Variants in CDH18 observed in about 807,000 individuals in gnomAD.
CDH18 encodes cadherin 18.
A neutral mutation model predicts 67.9 loss-of-function variants in CDH18; 31 were observed. The observed-to-expected ratio is 0.46, with a 90% CI of 0.34 to 0.62. CDH18 has a LOEUF of 0.62. CDH18 is among the 20% of genes least tolerant of loss of function. The pLI, the probability that CDH18 is intolerant of heterozygous loss-of-function variation, is 0.01. For synonymous variants in CDH18, 362 were observed against 347.2 expected, an observed-to-expected ratio of 1.04 and a Z score of -0.48; for missense variants, 890 against 975.5, an observed-to-expected ratio of 0.91 and a Z score of 1.17.
chr5:19,785,654 CAAAAAAAAAAAAAAAA>C (rs35498841), intron 3 of CDH18, among the ~76,000 whole-genome samples: 71 of 3,890 alleles, frequency 0.018, no homozygotes, highest in African/African-American at 0.04. Flanking sequence ...AACTCTGTCT[CAAAAAAAAAAAAAAAA>C]AAAAAAAAAA....
chr5:20,199,439 T>C (rs1739264271), intron 2 of CDH18, among the ~76,000 whole-genome samples: 1 of 152,186 alleles, frequency 6.6e-6, no homozygotes, highest in African/African-American at 2.4e-5. Flanking sequence ...GGCCAATTTC[T>C]CTCATTTGGA....
intron 1 of CDH18, among the ~76,000 whole-genome samples, chr5:20,337,349 A>T (rs568157858): frequency 3.9e-5 from 6 of 152,280 alleles, no homozygotes. Context: ...CTCTGCTTTC[A>T]TTATAAAACT....
intron 2 of CDH18, among the ~76,000 whole-genome samples, chr5:19,893,539 C>G (rs1286929622): frequency 6.6e-6 from 1 of 152,072 alleles, no homozygotes; most frequent in Non-Finnish European, 1.5e-5. Flanking sequence ...AGTTTGTAAG[C>G]AGAGGTTATT....
chr5:20,328,850 T>A (rs76332620), intron 1 of CDH18, among the ~76,000 whole-genome samples: 1,779 of 152,226 alleles, frequency 0.012, 24 homozygotes, highest in Non-Finnish European at 0.018. Context: ...ACATAGTGCC[T>A]TGTGCCTGTA....
At chr5:19,820,922 G>GA (rs1292783573) in intron 3 of CDH18, among the ~76,000 whole-genome samples, 2 of 150,726 alleles carry the variant, frequency 1.3e-5, no homozygotes, top group Admixed American at 6.6e-5. Context: ...CACACAACAG[G>GA]AAAAAAAATA....
intron 1 of CDH18, among the ~76,000 whole-genome samples, chr5:20,502,184 C>T (rs963981158): frequency 5.3e-5 from 8 of 152,094 alleles, no homozygotes; most frequent in Non-Finnish European, 1.0e-4. Flanking sequence ...CTTTCTATTT[C>T]ACATAATTCT....
At chr5:20,143,511 G>A (rs773509054) in intron 2 of CDH18, among the ~76,000 whole-genome samples, 5 of 152,022 alleles carry the variant, frequency 3.3e-5, no homozygotes, top group East Asian at 1.9e-4. Flanking sequence ...GGGACTATAC[G>A]CATGCACCGC....
intron 2 of CDH18, among the ~76,000 whole-genome samples, chr5:19,873,448 A>G (rs929907947): frequency 6.6e-6 from 1 of 152,096 alleles, no homozygotes; most frequent in South Asian, 2.1e-4. Context: ...ATATAAAAAT[A>G]ATGCATGGTG....
intron 1 of CDH18, among the ~76,000 whole-genome samples, chr5:20,433,352 T>C (rs1748919695): frequency 6.6e-6 from 1 of 152,042 alleles, no homozygotes; most frequent in African/African-American, 2.4e-5. Context: ...TGAATTTTTA[T>C]TTGTATTTTA....
At chr5:19,524,776 C>T (rs917940057) in intron 9 of CDH18, among the ~76,000 whole-genome samples, 1 of 152,068 alleles carries the variant, frequency 6.6e-6, no homozygotes, top group Non-Finnish European at 1.5e-5. Flanking sequence ...GATGGAGTCT[C>T]GCTCTGTCGC....
At chr5:19,824,026 G>A (rs891810317) in intron 3 of CDH18, among the ~76,000 whole-genome samples, 3 of 150,524 alleles carry the variant, frequency 2.0e-5, no homozygotes, top group Non-Finnish European at 4.4e-5. Flanking sequence ...ACAACTAGGG[G>A]AAATAGAAAT....
At chr5:20,250,947 T>C (rs1396789181) in intron 2 of CDH18, among the ~76,000 whole-genome samples, 1 of 152,108 alleles carries the variant, frequency 6.6e-6, no homozygotes, top group Non-Finnish European at 1.5e-5. Context: ...GTGAACAGTG[T>C]CATCAAATTC....
intron 6 of CDH18, among the ~76,000 whole-genome samples, chr5:19,599,087 A>G (rs943646883): frequency 1.3e-5 from 2 of 152,158 alleles, no homozygotes; most frequent in African/African-American, 4.8e-5. Context: ...TTGTAGTGAT[A>G]TCATATTTAG....
At position 20,171,229 on chromosome 5, in the gene CDH18, T is replaced by C. The variant is rs183947158; in HGVS notation, c.-518+84215A>G. Among the ~76,000 whole-genome samples, 6 of 152,242 alleles carry C rather than the reference T, an allele frequency of 3.9e-5. No homozygotes were observed. The East Asian group carries it at 9.7e-4, about 25-fold the overall frequency. On this transcript the variant is annotated intron_variant, in intron 2 of 14. Transcript: ENST00000507958. ...AATGATTTATATTCCTTTGGGTACA[T>C]ACTCAATAATGGGATTGCTGGGTTT...
At position 19,855,430 on chromosome 5, in the gene CDH18, A is replaced by G. The variant is rs539613923; in HGVS notation, c.-256-16188T>C. On this transcript the variant is annotated intron_variant, in intron 2 of 12. Coordinates refer to ENST00000382275, the MANE Select transcript of CDH18 (RefSeq NM_004934.5). Reference sequence around the variant, plus strand: ...AGTATCTTTGATTTGGGGGTGGATGAAAATCAGGGAGAGTGCATTGGATAG... The same window carrying G: ...AGTATCTTTGATTTGGGGGTGGATGGAAATCAGGGAGAGTGCATTGGATAG... Among the ~76,000 whole-genome samples the G allele has an allele frequency of 3.3e-5, 5 of 152,318 alleles. No homozygotes were observed. The South Asian group carries it at 1.0e-3, about 32-fold the overall frequency.
intron 1 of CDH18, among the ~76,000 whole-genome samples, chr5:20,477,190 TAC>T (rs1285386533): frequency 4.0e-5 from 6 of 151,764 alleles, no homozygotes; most frequent in Non-Finnish European, 8.8e-5. Flanking sequence ...GAGAAAAATA[TAC>T]ACACACACAT....
chr5:20,095,041 A>T (rs534820869), intron 2 of CDH18, among the ~76,000 whole-genome samples: 1 of 152,148 alleles, frequency 6.6e-6, no homozygotes, highest in African/African-American at 2.4e-5. Context: ...CATTCTCAGC[A>T]AACTAACACA....
At chr5:19,674,159 C>G (rs551211232) in intron 5 of CDH18, among the ~76,000 whole-genome samples, 1 of 151,928 alleles carries the variant, frequency 6.6e-6, no homozygotes, top group East Asian at 1.9e-4. Flanking sequence ...AAGGACCAAA[C>G]TTAATGGATA....
At chr5:19,916,284 T>C (rs1791781661) in intron 2 of CDH18, among the ~76,000 whole-genome samples, 8 of 152,172 alleles carry the variant, frequency 5.3e-5, no homozygotes. Flanking sequence ...AAAAACTCCA[T>C]GCTCACCACT....
Sources: allele counts gnomAD v4.1 joint callset (sites outside exome capture counted in the v4.1 genomes callset), GRCh38; gene constraint gnomAD v4.1.1; transcripts MANE v1.5; gene names NCBI Gene and HGNC (gene_info 2026-07-23, HGNC 2026-07-21).